MAPT: variants seen among roughly 807,000 people sequenced by gnomAD.
MAPT encodes microtubule-associated protein tau.
In MAPT, 34 loss-of-function variants were observed where a neutral mutation model predicts 67.9. The observed-to-expected ratio is 0.50, with a 90% CI of 0.38 to 0.67. MAPT has a LOEUF of 0.67. Ranked by LOEUF, MAPT falls within the 30% of genes least tolerant of loss-of-function variation. The probability of loss-of-function intolerance (pLI) is 0.00; values close to 1 mark genes in which losing one functional copy is unlikely to be tolerated. For synonymous variants in MAPT, 456 were observed against 464.5 expected, an observed-to-expected ratio of 0.98 and a Z score of 0.23; for missense variants, 881 against 1,115.2, an observed-to-expected ratio of 0.79 and a Z score of 2.99.
At chr17:46,014,414 G>C (rs66499584) in intron 11 of MAPT, 90 bp downstream of exon 11, 1 of 895,948 alleles carries the variant, frequency 1.1e-6, no homozygotes, top group Non-Finnish European at 1.9e-6. Context: ...ACTTCAGAAG[G>C]GGCTGGAAAG....
chr17:45,904,073 T>TTTATATATATTATATA (rs2063981487), intron 1 of MAPT, among the ~76,000 whole-genome samples: 1 of 41,994 alleles, frequency 2.4e-5, no homozygotes, highest in Non-Finnish European at 4.1e-5. Flanking sequence ...ATATTATATA[T>TTTATATATATTATATA]TTATATATTA....
chr17:45,945,234 AATAAG>A (rs796521414), intron 1 of MAPT, among the ~76,000 whole-genome samples: 6 of 152,350 alleles, frequency 3.9e-5, no homozygotes, highest in African/African-American at 1.4e-4. Flanking sequence ...AAACGGGGAT[AATAAG>A]ATAATAACAG....
At chr17:45,933,438 C>T (rs528742728) in intron 1 of MAPT, among the ~76,000 whole-genome samples, 9 of 152,232 alleles carry the variant, frequency 5.9e-5, no homozygotes, top group South Asian at 2.1e-4. Flanking sequence ...CAGGGTTTCA[C>T]CATGTTGCCC....
chr17:45,904,006 A>ATATATAT (rs1360715272), intron 1 of MAPT, among the ~76,000 whole-genome samples: 152 of 6,380 alleles, frequency 0.024, 8 homozygotes, highest in African/African-American at 0.082. Flanking sequence ...ATTATATATT[A>ATATATAT]TATATATTAT....
intron 1 of MAPT, among the ~76,000 whole-genome samples, chr17:45,903,839 T>TTATATA (rs2063812035): frequency 1.7e-4 from 3 of 18,044 alleles, no homozygotes; most frequent in South Asian, 1.7e-3. Flanking sequence ...ATATTATATA[T>TTATATA]TTTATATATT....
At chr17:45,982,339 T>TG (rs1568275163) in intron 4 of MAPT, among the ~76,000 whole-genome samples, 1 of 38,350 alleles carries the variant, frequency 2.6e-5, no homozygotes, top group Non-Finnish European at 4.8e-5. Context: ...AAAAAAGGGG[T>TG]GGGGGGCGGG....
Position 45,983,926 on chromosome 17 carries a change from C to A in MAPT, c.1347C>A (p.Leu449=). 1 of 1,563,370 alleles carries A rather than the reference C, an allele frequency of 6.4e-7. No individual in the cohort carries two copies. The highest frequency in any genetic ancestry group is 8.6e-7 in the Non-Finnish European group (1 of 1,159,788). Residue 449 remains leucine (L), a synonymous_variant, in exon 5 of 13, where the codon CTC becomes CTA. Coordinates refer to ENST00000262410, the MANE Select transcript of MAPT (RefSeq NM_001377265.1). ...AGCCCGTCAGCCGGGTCCCTCAACT[C>A]AAAGGTCTGTGTCTTGAGCTTCTTC... The part of the protein sequence containing the change: ...RGKPVSRVPQ[L]KARMVSKSKD...
intron 1 of MAPT, among the ~76,000 whole-genome samples, chr17:45,943,165 T>G (rs1358634609): frequency 6.6e-6 from 1 of 152,228 alleles, no homozygotes. Flanking sequence ...GCAATTCTTG[T>G]GCCTCAGCCT....
chr17:45,983,803 G>A lies in MAPT; in HGVS notation c.1224G>A (p.Glu408=). The change falls in exon 5 of 13, where the codon GAG becomes GAA. Residue 408 remains glutamate (E), a synonymous_variant. Transcript: ENST00000262410. The stretch of plus-strand genomic sequence containing the variant: ...CTGCATTTCCAGGGGCCCCTGGAGA[G>A]GGGCCAGAGGCCCGGGGCCCCTCTT... ...GRAAFPGAPG[E]GPEARGPSLG... 6.2e-7 allele frequency: 1 copy of A among 1,613,530 alleles called. No individual in the cohort carries two copies. The highest frequency in any genetic ancestry group is 8.5e-7 in the Non-Finnish European group (1 of 1,179,914).
chr17:45,928,226 A>G (rs1010664185), intron 1 of MAPT, among the ~76,000 whole-genome samples: 15 of 152,220 alleles, frequency 9.9e-5, no homozygotes, highest in African/African-American at 3.6e-4. Flanking sequence ...CAGCCTTAGG[A>G]GTCATCTTTT....
chr17:45,907,261 C>A (rs529803569), intron 1 of MAPT, among the ~76,000 whole-genome samples: 1 of 152,298 alleles, frequency 6.6e-6, no homozygotes, highest in South Asian at 2.1e-4. Context: ...TCTCTCCCTG[C>A]CCCACCCCCT....
intron 10 of MAPT, among the ~76,000 whole-genome samples, chr17:46,012,319 CTG>C (rs1483137542): frequency 1.3e-5 from 2 of 152,124 alleles, no homozygotes; most frequent in Non-Finnish European, 2.9e-5. Context: ...GTGTCCCGCG[CTG>C]TGTTCATCTG....
intron 1 of MAPT, among the ~76,000 whole-genome samples, chr17:45,926,942 TATATAC>T (rs2066372629): frequency 9.3e-6 from 1 of 108,090 alleles, no homozygotes; most frequent in Non-Finnish European, 2.6e-5. Context: ...TATACACATA[TATATAC>T]ATATATGTGT....
chr17:45,964,356 C>A (rs1271656322), intron 2 of MAPT, among the ~76,000 whole-genome samples: 1 of 106,130 alleles, frequency 9.4e-6, no homozygotes, highest in Non-Finnish European at 1.8e-5. Flanking sequence ...ATCCCTCCCC[C>A]CTCCCCCCAC....
At chr17:45,966,789 G>GTA (rs2071131434) in intron 2 of MAPT, among the ~76,000 whole-genome samples, 2 of 152,110 alleles carry the variant, frequency 1.3e-5, no homozygotes, top group Non-Finnish European at 2.9e-5. Flanking sequence ...ACATATGTGT[G>GTA]TGTATATATA....
chr17:45,988,437 A>G (rs1254392233), intron 6 of MAPT, among the ~76,000 whole-genome samples: 1 of 152,078 alleles, frequency 6.6e-6, no homozygotes, highest in Non-Finnish European at 1.5e-5. Flanking sequence ...CCACCCGTCA[A>G]AATCCCCCAC....
intron 1 of MAPT, among the ~76,000 whole-genome samples, chr17:45,936,661 C>G (rs191289398): frequency 6.8e-4 from 104 of 152,244 alleles, no homozygotes; most frequent in African/African-American, 2.5e-3. Context: ...TTAAAGTGAT[C>G]TTAACTGAAG....
chr17:45,971,186 A>T lies in MAPT; in HGVS notation c.134-673A>T, dbSNP rs2071624905. 6.6e-6 allele frequency among the ~76,000 whole-genome samples: 1 copy of T among 152,064 alleles called. No homozygotes were observed. The highest frequency in any genetic ancestry group is 6.6e-5 in the Admixed American group (1 of 15,266). On this transcript the variant is annotated intron_variant, in intron 2 of 12. Coordinates refer to ENST00000262410, the MANE Select transcript of MAPT (RefSeq NM_001377265.1). The surrounding 1 kb of genome is among the most constrained non-coding windows in gnomAD (Gnocchi z 4.3). ...GGCAACAAAAGCTGCCTTACTAAGG[A>T]CATTCTTGGTGGAGGGCGTGACTGT...
At chr17:45,999,789 A>T in intron 9 of MAPT, 2 of 863,160 alleles carry the variant, frequency 2.3e-6, no homozygotes, top group Non-Finnish European at 1.8e-6. Context: ...ATTTTGGGGG[A>T]CGAAGTGTGG....
Sources: gnomAD v4.1 joint callset for allele counts (sites outside exome capture counted in the v4.1 genomes callset) on GRCh38, gnomAD v4.1.1 for gene constraint, Gnocchi (gnomAD v3.1) non-coding constraint, MANE v1.5 for transcripts, NCBI Gene and HGNC (gene_info 2026-07-23, HGNC 2026-07-21) for gene names.